The following ZDHHC14 variants were observed in gnomAD, a reference collection of about 807,000 sequenced individuals.
ZDHHC14 encodes zDHHC palmitoyltransferase 14.
ZDHHC14 carries 16 observed loss-of-function variants against 47.7 expected under a neutral mutation model. The observed-to-expected ratio is 0.34, with a 90% confidence interval of 0.23 to 0.51. The LOEUF (loss-of-function observed/expected upper bound fraction) is 0.51, where lower values mean the gene tolerates loss of function less well. Ranked by LOEUF, ZDHHC14 falls within the 20% of genes least tolerant of loss-of-function variation. The probability of loss-of-function intolerance (pLI) is 0.97; values close to 1 mark genes in which losing one functional copy is unlikely to be tolerated. For synonymous variants in ZDHHC14, 293 were observed against 278.9 expected (o/e 1.05, Z -0.50); for missense variants, 515 against 662.5 (o/e 0.78, Z 2.44).
intron 1 of ZDHHC14, among the ~76,000 whole-genome samples, chr6:157,397,878 T>A (rs961065312): frequency 4.6e-5 from 7 of 152,104 alleles, no homozygotes; most frequent in Admixed American, 1.3e-4. Context: ...TCACGGTTAA[T>A]GACACTTGCC....
intron 3 of ZDHHC14, among the ~76,000 whole-genome samples, chr6:157,601,290 C>A (rs1583002021): frequency 1.3e-5 from 2 of 152,224 alleles, no homozygotes; most frequent in East Asian, 1.9e-4. Context: ...AAATTAGGAA[C>A]AAATTAGGAT....
chr6:157,650,258 AG>A, intron 7 of ZDHHC14, among the ~76,000 whole-genome samples: 1 of 152,224 alleles, frequency 6.6e-6, no homozygotes, highest in African/African-American at 2.4e-5. Flanking sequence ...AGCGGTGGGG[AG>A]GAGCAGGGTT....
intron 2 of ZDHHC14, among the ~76,000 whole-genome samples, chr6:157,577,238 C>T (rs1239767306): frequency 6.6e-6 from 1 of 152,074 alleles, no homozygotes; most frequent in Non-Finnish European, 1.5e-5. Flanking sequence ...TGTATATGTA[C>T]CACATTTTCT....
At chr6:157,591,477 T>C (rs1002558415) in intron 2 of ZDHHC14, among the ~76,000 whole-genome samples, 2 of 152,236 alleles carry the variant, frequency 1.3e-5, no homozygotes, top group African/African-American at 4.8e-5. Context: ...CTCTCCTCCC[T>C]GCTGCCATGT....
At chr6:157,512,296 T>C (rs1583730678) in intron 1 of ZDHHC14, among the ~76,000 whole-genome samples, 2 of 152,204 alleles carry the variant, frequency 1.3e-5, no homozygotes, top group African/African-American at 4.8e-5. Context: ...TGGGGGGCCC[T>C]CTGTAGGGCT....
intron 5 of ZDHHC14, among the ~76,000 whole-genome samples, chr6:157,635,017 G>A (rs1776903634): frequency 1.3e-5 from 2 of 151,582 alleles, no homozygotes; most frequent in South Asian, 4.2e-4. Flanking sequence ...CCCCTGAAAC[G>A]GAGTCTCACT....
intron 8 of ZDHHC14, among the ~76,000 whole-genome samples, chr6:157,668,800 G>A (rs1201379009): frequency 6.6e-6 from 1 of 152,170 alleles, no homozygotes; most frequent in Non-Finnish European, 1.5e-5. Context: ...CTTCACCCTT[G>A]ACAAACTCAA....
intron 2 of ZDHHC14, among the ~76,000 whole-genome samples, chr6:157,571,216 C>T (rs982896928): frequency 6.6e-6 from 1 of 152,202 alleles, no homozygotes; most frequent in Admixed American, 6.5e-5. Flanking sequence ...TGCCTATGTG[C>T]ACGAGAGCAT....
At chr6:157,519,915 G>C (rs1780855412) in intron 1 of ZDHHC14, among the ~76,000 whole-genome samples, 1 of 152,220 alleles carries the variant, frequency 6.6e-6, no homozygotes, top group South Asian at 2.1e-4. Context: ...TTGCAGTGCA[G>C]GGCGAAGTGA....
chr6:157,482,989 AC>A (rs1779671212), intron 1 of ZDHHC14, among the ~76,000 whole-genome samples: 1 of 152,050 alleles, frequency 6.6e-6, no homozygotes, highest in Non-Finnish European at 1.5e-5. Flanking sequence ...TGATCTGCCC[AC>A]CTTGGCATCC....
intron 1 of ZDHHC14, among the ~76,000 whole-genome samples, chr6:157,459,011 G>C (rs1779000641): frequency 6.6e-6 from 1 of 151,628 alleles, no homozygotes; most frequent in African/African-American, 2.4e-5. Context: ...CACCATGCCT[G>C]GGTAATTTTG....
intron 2 of ZDHHC14, among the ~76,000 whole-genome samples, chr6:157,545,955 GA>G (rs1488651580): frequency 6.6e-6 from 1 of 152,238 alleles, no homozygotes; most frequent in Non-Finnish European, 1.5e-5. Context: ...GCACATTGTA[GA>G]TGTGTAGTAA....
At chr6:157,590,096 T>C (rs982636938) in intron 2 of ZDHHC14, among the ~76,000 whole-genome samples, 2 of 152,334 alleles carry the variant, frequency 1.3e-5, no homozygotes, top group East Asian at 3.9e-4. Context: ...TTTACGGTAC[T>C]GGTGGAAGAA....
At chr6:157,504,396 C>T (rs1774509440) in intron 1 of ZDHHC14, among the ~76,000 whole-genome samples, 1 of 151,246 alleles carries the variant, frequency 6.6e-6, no homozygotes, top group African/African-American at 2.4e-5. Context: ...GATCTGCCTG[C>T]CTCGGCTTCC....
chr6:157,428,676 C>T (rs1047505570), intron 1 of ZDHHC14, among the ~76,000 whole-genome samples: 5 of 149,600 alleles, frequency 3.3e-5, no homozygotes, highest in African/African-American at 1.2e-4. Context: ...GGTCTCAGGC[C>T]AGATTGCTTA....
intron 1 of ZDHHC14, among the ~76,000 whole-genome samples, chr6:157,526,351 G>T (rs1207769135): frequency 6.6e-6 from 1 of 152,074 alleles, no homozygotes; most frequent in African/African-American, 2.4e-5. Context: ...AAGTGCCCCA[G>T]TGCCCGGCGT....
chr6:157,576,258 A>G (rs557934271), intron 2 of ZDHHC14, among the ~76,000 whole-genome samples: 2 of 152,250 alleles, frequency 1.3e-5, no homozygotes, highest in Admixed American at 6.5e-5. Flanking sequence ...ATAAGAATTC[A>G]TAAAGAAAAA....
chr6:157,397,782 G>T (rs540193186), intron 1 of ZDHHC14, among the ~76,000 whole-genome samples: 40 of 152,356 alleles, frequency 2.6e-4, no homozygotes, highest in Non-Finnish European at 5.6e-4. Flanking sequence ...AACTTCTGAA[G>T]ACTTTTCTGC....
intron 8 of ZDHHC14, among the ~76,000 whole-genome samples, chr6:157,671,596 CA>C (rs1453546756): frequency 6.6e-6 from 1 of 152,194 alleles, no homozygotes; most frequent in African/African-American, 2.4e-5. Context: ...GCGGAGCTAT[CA>C]GGGGTGCCTG....
Sources: gnomAD v4.1 joint callset for allele counts (sites outside exome capture counted in the v4.1 genomes callset) on GRCh38, gnomAD v4.1.1 for gene constraint, MANE v1.5 for transcripts, NCBI Gene and HGNC (gene_info 2026-07-23, HGNC 2026-07-21) for gene names.